Variants in ANKS1B observed in about 807,000 individuals in gnomAD.
ANKS1B encodes ankyrin repeat and sterile alpha motif domain containing 1B, also known as ankyrin repeat and sterile alpha motif domain-containing protein 1B.
ANKS1B carries 36 observed loss-of-function variants against 148.3 expected under a neutral mutation model. That is an observed-to-expected ratio of 0.24 (90% CI 0.19 to 0.32). The LOEUF is 0.32. Among genes scored for constraint, ANKS1B ranks in the 10% least tolerant of loss-of-function variants. The pLI is 1.00. For missense variants in ANKS1B, 1,157 were observed against 1,542.6 expected (o/e 0.75, Z 4.19); for synonymous variants, 542 against 560.8 (o/e 0.97, Z 0.47).
chr12:99,012,437 T>C (rs2099940018), intron 17 of ANKS1B, among the ~76,000 whole-genome samples: 1 of 152,218 alleles, frequency 6.6e-6, no homozygotes, highest in South Asian at 2.1e-4. Context: ...TCTAAGACTT[T>C]ATATTTTCAA....
chr12:99,812,977 A>T (rs192580749), intron 2 of ANKS1B, among the ~76,000 whole-genome samples: 47 of 151,852 alleles, frequency 3.1e-4, no homozygotes, highest in Non-Finnish European at 5.6e-4. Context: ...TAATAAAAAA[A>T]TTTTAATAAC....
intron 15 of ANKS1B, among the ~76,000 whole-genome samples, chr12:99,112,175 G>C (rs373791011): frequency 6.6e-6 from 1 of 152,100 alleles, no homozygotes; most frequent in South Asian, 2.1e-4. Flanking sequence ...CCACAGTGAA[G>C]CTGAAACTTC....
At chr12:98,807,282 T>C (rs1369027586) in intron 20 of ANKS1B, among the ~76,000 whole-genome samples, 1 of 152,068 alleles carries the variant, frequency 6.6e-6, no homozygotes, top group Non-Finnish European at 1.5e-5. Flanking sequence ...TTCAGTACTG[T>C]CAAATGGAAA....
In ANKS1B at chr12:99,557,772, T is replaced by C. The variant is rs564163068; in HGVS notation, c.1273-53131A>G. Among the ~76,000 whole-genome samples the C allele has an allele frequency of 4.6e-5, 7 of 152,334 alleles. No individual in the cohort carries two copies. The East Asian group carries it at 1.4e-3, about 29-fold the overall frequency. On this transcript the variant is annotated intron_variant, in intron 9 of 26. Coordinates refer to ENST00000683438, the MANE Select transcript of ANKS1B (RefSeq NM_001352186.2). ...AAGTTGCCAGAGTTCTTGCACTGAT[T>C]TTCTTATCTAGGCAGGCTGATGTTC...
intron 17 of ANKS1B, among the ~76,000 whole-genome samples, chr12:98,846,089 C>G (rs2099465658): frequency 6.6e-6 from 1 of 151,274 alleles, no homozygotes; most frequent in Non-Finnish European, 1.5e-5. Flanking sequence ...GTCTTTAATT[C>G]TTCCCTAGAT....
chr12:99,126,584 A>T (rs1353229295), intron 15 of ANKS1B, among the ~76,000 whole-genome samples: 2 of 152,068 alleles, frequency 1.3e-5, no homozygotes, highest in Non-Finnish European at 2.9e-5. Flanking sequence ...CATGACTTTG[A>T]TTGCATCCTT....
chr12:99,628,980 T>G (rs1453008011), intron 9 of ANKS1B, among the ~76,000 whole-genome samples: 1 of 152,204 alleles, frequency 6.6e-6, no homozygotes, highest in Non-Finnish European at 1.5e-5. Context: ...AATTTATTTA[T>G]TTTGTAGACC....
At chr12:99,667,985 T>C (rs895333391) in intron 8 of ANKS1B, among the ~76,000 whole-genome samples, 1 of 152,216 alleles carries the variant, frequency 6.6e-6, no homozygotes, top group Non-Finnish European at 1.5e-5. Flanking sequence ...TTATGAGTGA[T>C]ATTGATCTAT....
chr12:99,548,502 A>C (rs2097190660), intron 9 of ANKS1B, among the ~76,000 whole-genome samples: 1 of 152,114 alleles, frequency 6.6e-6, no homozygotes, highest in African/African-American at 2.4e-5. Context: ...CATTCTACAA[A>C]ATACCTTTTG....
intron 6 of ANKS1B, among the ~76,000 whole-genome samples, chr12:99,776,891 G>A (rs1054083557): frequency 4.0e-5 from 6 of 151,846 alleles, no homozygotes; most frequent in Admixed American, 2.0e-4. Flanking sequence ...CACCATGTTC[G>A]CCAGGCTGGT....
intron 9 of ANKS1B, among the ~76,000 whole-genome samples, chr12:99,555,178 A>G (rs544138906): frequency 2.2e-4 from 34 of 152,266 alleles, no homozygotes; most frequent in African/African-American, 8.2e-4. Flanking sequence ...ATACCCAATA[A>G]TGGAATTACT....
chr12:99,134,968 T>G (rs1248645604), intron 15 of ANKS1B, among the ~76,000 whole-genome samples: 1 of 152,136 alleles, frequency 6.6e-6, no homozygotes, highest in Non-Finnish European at 1.5e-5. Flanking sequence ...GGATAGCTTT[T>G]AGCACGAGCG....
chr12:98,799,162 T>C (rs565504985), intron 21 of ANKS1B, among the ~76,000 whole-genome samples, 157 bp from the exon 22 acceptor site: 1 of 152,300 alleles, frequency 6.6e-6, no homozygotes, highest in African/African-American at 2.4e-5. Flanking sequence ...AACAAATAAA[T>C]GCATTCATAG....
intron 9 of ANKS1B, among the ~76,000 whole-genome samples, chr12:99,604,880 CT>C (rs1191250597): frequency 6.7e-6 from 1 of 148,696 alleles, no homozygotes; most frequent in Non-Finnish European, 1.5e-5. Context: ...AGGTTACATA[CT>C]TGTGAACAAA....
intron 17 of ANKS1B, among the ~76,000 whole-genome samples, chr12:98,927,688 G>A (rs1456609055): frequency 2.6e-5 from 4 of 151,376 alleles, no homozygotes; most frequent in African/African-American, 7.3e-5. Context: ...TATAATTGAC[G>A]GTAAATTGGT....
intron 9 of ANKS1B, among the ~76,000 whole-genome samples, chr12:99,583,269 TG>T (rs1322869641): frequency 6.6e-6 from 1 of 152,154 alleles, no homozygotes; most frequent in Non-Finnish European, 1.5e-5. Flanking sequence ...TTATTCTTAG[TG>T]TGTGAGCTGA....
chr12:99,775,769 C>T, intron 6 of ANKS1B, 108 bp from the exon 7 acceptor site: 1 of 574,168 alleles, frequency 1.7e-6, no homozygotes, highest in Non-Finnish European at 2.9e-6. Flanking sequence ...TTTTTCATAT[C>T]CTAAATATAT....
At chr12:99,732,909 C>G (rs2059298847) in intron 8 of ANKS1B, among the ~76,000 whole-genome samples, 1 of 151,994 alleles carries the variant, frequency 6.6e-6, no homozygotes, top group Non-Finnish European at 1.5e-5. Context: ...TTTTGTCAAT[C>G]ATTTTCATTC....
chr12:99,120,798 C>T (rs747125013), intron 15 of ANKS1B, among the ~76,000 whole-genome samples: 1 of 152,018 alleles, frequency 6.6e-6, no homozygotes, highest in Non-Finnish European at 1.5e-5. Context: ...TGGGGGGCAT[C>T]CACGTGGAAA....
Sources: gnomAD v4.1 joint callset for allele counts (sites outside exome capture counted in the v4.1 genomes callset) on GRCh38, gnomAD v4.1.1 for gene constraint, MANE v1.5 for transcripts, NCBI Gene and HGNC (gene_info 2026-07-23, HGNC 2026-07-21) for gene names.